Variants in G6PD observed in about 807,000 individuals in gnomAD.
G6PD encodes the protein glucose-6-phosphate dehydrogenase, also known as glucose-6-phosphate 1-dehydrogenase.
Under a neutral mutation model 38.2 loss-of-function variants are expected in G6PD, and 2 were observed. The ratio of observed to expected loss-of-function variants is 0.05; its 90% CI spans 0.02 to 0.16. G6PD has a LOEUF of 0.16. Ranked by LOEUF, G6PD falls within the 10% of genes least tolerant of loss-of-function variation. The pLI, the probability that G6PD is intolerant of heterozygous loss-of-function variation, is 1.00. For missense variants in G6PD, 310 were observed against 471.6 expected (o/e 0.66, Z 3.17); for synonymous variants, 188 against 196.0 (o/e 0.96, Z 0.34).
In G6PD at chrX:154,533,627, C is replaced by T. The variant is rs782732134; in HGVS notation, c.813G>A (p.Val271=). The T allele has an allele frequency of 2.2e-5, 27 of 1,210,810 alleles. No individual in the cohort carries two copies. The South Asian group carries it at 3.2e-4, about 14-fold the overall frequency. The change falls in exon 8 of 13, where the codon GTG becomes GTA. Residue 271 remains valine, a synonymous_variant. Transcript: ENST00000393562. The part of the protein sequence containing the change: ...QNHLLQMLCL[V]AMEKPASTNS... ...TGGTGGAGGCGGGCTTCTCCATGGCCACCAGACACAGCATCTGCAGTAGGT... is the reference window on the plus strand; with the variant it reads ...TGGTGGAGGCGGGCTTCTCCATGGCTACCAGACACAGCATCTGCAGTAGGT...
chrX:154,538,242 G>A (rs1163290244), intron 2 of G6PD, among the ~76,000 whole-genome samples: 1 of 110,874 alleles, frequency 9.0e-6, no homozygotes, highest in African/African-American at 3.3e-5. Context: ...TGATCTGCCC[G>A]CCTCAGCCTC....
intron 8 of G6PD, 103 bp downstream of exon 8, chrX:154,533,473 G>A (rs782157687): frequency 1.3e-5 from 13 of 1,037,885 alleles, no homozygotes; most frequent in Admixed American, 2.5e-5. Flanking sequence ...TGACTTCTCC[G>A]GGGTTGAGGA....
rs377041776 is a variant in G6PD, at chrX:154,533,559, T to C, written c.864+17A>G. ...TGCGACAGGGCATGCTCCTGGGGAC[T>C]GGGGTGCACCCCCTACCTTCTCATC... On this transcript the variant is annotated intron_variant, in intron 8 of 12. Transcript: ENST00000393562. 4 of 1,210,867 alleles carry C rather than the reference T, an allele frequency of 3.3e-6. No individual in the cohort carries two copies. The South Asian group carries it at 5.3e-5, about 16-fold the overall frequency.
chrX:154,535,385 C>T lies in G6PD; in HGVS notation c.268G>A (p.Ala90Thr). 8.3e-7 allele frequency: 1 copy of T among 1,206,153 alleles called. No homozygotes were observed. Among genetic ancestry groups the T allele is most frequent in the Non-Finnish European group, 1.1e-6 (1 of 891,231 alleles). ...IRKQSEPFFK[A>T]TPEEKLKLED... The stretch of plus-strand genomic sequence containing the variant: ...AGCTTGAGCTTCTCCTCTGGGGTGG[C>T]CTGGGAGACACGGACAGACAGACAC... Residue 90 changes from alanine (A) to threonine (T), a missense_variant and splice_region_variant, in exon 5 of 13, where the codon GCC becomes ACC. Ala to Thr is a moderately conservative substitution (Grantham distance 58, BLOSUM62 0). Coordinates refer to ENST00000393562, the MANE Select transcript of G6PD (RefSeq NM_001360016.2).
At chrX:154,545,969 T>C in intron 2 of G6PD, 67 bp downstream of exon 2, 1 of 1,188,424 alleles carries the variant, frequency 8.4e-7, no homozygotes. Flanking sequence ...CAACAATTAG[T>C]TGGAAAAGCT....
chrX:154,536,115 C>G, intron 3 of G6PD, 26 bp downstream of exon 3: 1 of 1,210,931 alleles, frequency 8.3e-7, no homozygotes, highest in Non-Finnish European at 1.1e-6. Context: ...CGGGAGGTCA[C>G]AGGGGCAGTG....
chrX:154,547,566 G>T (rs782435077), upstream of G6PD: 7 of 755,030 alleles, frequency 9.3e-6, no homozygotes, highest in Non-Finnish European at 1.1e-5. Flanking sequence ...GGCTTCCCGA[G>T]TTCTCGGGGG....
intron 4 of G6PD, 160 bp downstream of exon 4, chrX:154,535,777 T>G (rs2070400514): frequency 3.9e-6 from 2 of 506,367 alleles, no homozygotes; most frequent in African/African-American, 2.4e-5. Context: ...TCACGGGGGC[T>G]GGTAATGGGG....
Position 154,546,792 on chromosome X carries a change from C to A in G6PD, c.-12G>T, listed in dbSNP as rs2070736278. The A allele has an allele frequency of 6.0e-6, 7 of 1,161,702 alleles. No homozygotes were observed. In the African/African-American group the frequency reaches 8.9e-5, roughly 15 times the overall value. On this transcript the variant is annotated 5_prime_UTR_variant, in exon 1 of 13. Transcript: ENST00000393562. ...CGGCGCCCGCCCGGCCGGTTACCTG[C>A]GCTTCGTCGTCGTCGCCCTCCGCGC... is the stretch of plus-strand genomic sequence containing the variant.
At chrX:154,547,444 A>G (rs2070775775), upstream of G6PD, 1 of 754,176 alleles carries the variant, frequency 1.3e-6, no homozygotes. Context: ...CGCCCTGCAA[A>G]GTGGCCGGCG....
At chrX:154,533,274 C>T in intron 8 of G6PD, 146 bp from the exon 9 acceptor site, 1 of 674,208 alleles carries the variant, frequency 1.5e-6, no homozygotes, top group Non-Finnish European at 2.3e-6. Context: ...AGCTCAGGGC[C>T]CCTCCCTGAG....
At position 154,535,226 on chromosome X, in the gene G6PD, G is replaced by T; in HGVS notation, c.427C>A (p.Pro143Thr). 8.3e-7 allele frequency: 1 copy of T among 1,211,943 alleles called. No individual in the cohort carries two copies. The highest frequency in any genetic ancestry group is 1.1e-6 in the Non-Finnish European group (1 of 895,528). The change falls in exon 5 of 13, where the codon CCC becomes ACC. Residue 143 changes from proline to threonine, a missense_variant. Coordinates refer to ENST00000393562, the MANE Select transcript of G6PD (RefSeq NM_001360016.2). ...GTGACGGCCTCGTAGACGGTCGGGG[G>T]CAAGGCCAGGTAGAAGAGGCGGTTG... ...QANRLFYLAL[P>T]PTVYEAVTKN...
In G6PD at chrX:154,533,108, G is replaced by A. The variant is rs1378164964; in HGVS notation, c.885C>T (p.Ile295=). ...CCACATTGTTGGCCTGCACCTCTGA[G>A]ATGCATTTCAACACCTTGACCTGAG... ...RDEKVKVLKC[I]SEVQANNVVL... The change falls in exon 9 of 13, where the codon ATC becomes ATT. Residue 295 remains isoleucine (I), a synonymous_variant. Transcript: ENST00000393562. The A allele has an allele frequency of 8.2e-7, 1 of 1,212,261 alleles. No individual in the cohort carries two copies. The highest frequency in any genetic ancestry group is 1.1e-6 in the Non-Finnish European group (1 of 895,586).
chrX:154,539,155 T>C (rs1194803626), intron 2 of G6PD, among the ~76,000 whole-genome samples: 1 of 111,617 alleles, frequency 9.0e-6, no homozygotes, highest in Non-Finnish European at 1.9e-5. Flanking sequence ...TCCTGTGACC[T>C]GGCCGTTCCA....
chrX:154,542,577 G>A, intron 2 of G6PD: 2 of 908,894 alleles, frequency 2.2e-6, no homozygotes, highest in Non-Finnish European at 2.9e-6. Flanking sequence ...GGGCAAGTGT[G>A]AGGTAAGCTG....
Position 154,534,052 on chromosome X carries a change from A to G in G6PD, c.753T>C (p.Asp251=). 1 of 1,211,561 alleles carries G rather than the reference A, an allele frequency of 8.3e-7. No individual in the cohort carries two copies. The highest frequency in any genetic ancestry group is 2.2e-5 in the Admixed American group (1 of 46,030). Residue 251 remains aspartate, a synonymous_variant, in exon 7 of 13, where the codon GAT becomes GAC. Transcript: ENST00000393562. ...FGTEGRGGYF[D]EFGIIRDVMQ... ...GCTCTCACCGGATGATCCCAAATTC[A>G]TCGAAATAGCCCCCGCGACCCTCAG...
intron 2 of G6PD, among the ~76,000 whole-genome samples, chrX:154,537,905 C>T (rs781824216): frequency 1.3e-4 from 14 of 110,807 alleles, no homozygotes; most frequent in Admixed American, 9.6e-4. Flanking sequence ...AAATCCCACA[C>T]GAAATATCAG....
chrX:154,542,441 T>A (rs2070540145), intron 2 of G6PD: 1 of 1,185,481 alleles, frequency 8.4e-7, no homozygotes. Context: ...CAGAGCTTTC[T>A]GGAAGGGGGC....
chrX:154,534,983 T>C (rs2070389920), intron 5 of G6PD, 185 bp downstream of exon 5: 2 of 494,914 alleles, frequency 4.0e-6, no homozygotes, highest in South Asian at 5.9e-5. Flanking sequence ...GCCGGGCCTT[T>C]GGGGAAGCAG....
Sources: gnomAD v4.1 joint callset for allele counts (sites outside exome capture counted in the v4.1 genomes callset) on GRCh38, gnomAD v4.1.1 for gene constraint, MANE v1.5 for transcripts, NCBI Gene and HGNC (gene_info 2026-07-23, HGNC 2026-07-21) for gene names.